The following PDGFD variants were observed in gnomAD, a reference collection of about 807,000 sequenced individuals.
PDGFD encodes the protein platelet derived growth factor D, also known as platelet-derived growth factor D.
A neutral mutation model predicts 44.7 loss-of-function variants in PDGFD; 30 were observed. The observed-to-expected ratio is 0.67, with a 90% CI of 0.50 to 0.91. The LOEUF (loss-of-function observed/expected upper bound fraction) is 0.91. Among genes scored for constraint, PDGFD ranks in the 40% least tolerant of loss-of-function variants. The pLI, the probability that PDGFD is intolerant of heterozygous loss-of-function variation, is 0.00. For synonymous variants in PDGFD, 173 were observed against 168.4 expected (o/e 1.03, Z -0.21); for missense variants, 445 against 457.8 (o/e 0.97, Z 0.25).
At chr11:104,028,880 A>G (rs1215955566) in intron 1 of PDGFD, among the ~76,000 whole-genome samples, 1 of 152,076 alleles carries the variant, frequency 6.6e-6, no homozygotes, top group African/African-American at 2.4e-5. Flanking sequence ...GGAAAAAAAA[A>G]TCAATGATAC....
intron 3 of PDGFD, among the ~76,000 whole-genome samples, chr11:103,985,142 A>ATATATTAATTTATTTAATATATT (rs1859342451): frequency 9.4e-6 from 1 of 105,830 alleles, no homozygotes; most frequent in Non-Finnish European, 2.0e-5. Context: ...TTTAATATAT[A>ATATATTAATTTATTTAATATATT]ATATATTAAT....
At chr11:104,104,579 G>T (rs976019214) in intron 1 of PDGFD, among the ~76,000 whole-genome samples, 2 of 152,048 alleles carry the variant, frequency 1.3e-5, no homozygotes, top group African/African-American at 4.8e-5. Context: ...AGAATAACAT[G>T]CTGTACAGGT....
intron 1 of PDGFD, among the ~76,000 whole-genome samples, chr11:104,123,940 T>C (rs558810461): frequency 1.3e-5 from 2 of 152,052 alleles, no homozygotes; most frequent in South Asian, 4.1e-4. Context: ...CACAAAGGTA[T>C]GAAACACAGA....
In PDGFD at chr11:103,943,515, C is replaced by G. The variant is rs758313185; in HGVS notation, c.709G>C (p.Glu237Gln). ...CGAGGGGTGTCCAGATACATATTCT[C>G]AAGATCTTCTTGCCATGACTCTGGA... Reference protein sequence around the residue: ...FNPESWQEDLENMYLDTPRYR... With the variant: ...FNPESWQEDLQNMYLDTPRYR... The change falls in exon 5 of 7, where the codon GAG becomes CAG. Residue 237 changes from glutamate to glutamine, a missense_variant. Transcript: ENST00000393158. 4.6e-5 allele frequency: 75 copies of G among 1,613,250 alleles called. No homozygotes were observed. Among genetic ancestry groups the G allele is most frequent in the Non-Finnish European group, 6.3e-5 (74 of 1,179,614 alleles).
At chr11:104,037,138 A>G (rs1350653293) in intron 1 of PDGFD, 1 of 1,613,784 alleles carries the variant, frequency 6.2e-7, no homozygotes, top group Non-Finnish European at 8.5e-7. Flanking sequence ...TGGGACGTCC[A>G]GCTCCCGTCC....
intron 1 of PDGFD, among the ~76,000 whole-genome samples, chr11:104,138,906 C>G (rs1862045836): frequency 6.6e-6 from 1 of 152,038 alleles, no homozygotes; most frequent in Non-Finnish European, 1.5e-5. Flanking sequence ...GGACTACAGG[C>G]ACAAGTCACC....
chr11:104,145,283 A>T (rs1269042205), intron 1 of PDGFD, among the ~76,000 whole-genome samples: 2 of 152,178 alleles, frequency 1.3e-5, no homozygotes, highest in African/African-American at 4.8e-5. Context: ...GTTGGTATAA[A>T]CCGAATGCTA....
At chr11:104,083,520 A>T (rs1239546203) in intron 1 of PDGFD, among the ~76,000 whole-genome samples, 1 of 152,210 alleles carries the variant, frequency 6.6e-6, no homozygotes, top group Admixed American at 6.6e-5. Flanking sequence ...ATTTCTTCAC[A>T]ACACAAAAGT....
intron 3 of PDGFD, 129 bp from the exon 4 acceptor site, chr11:103,947,853 G>A (rs1338845370): frequency 1.4e-6 from 1 of 707,846 alleles, no homozygotes; most frequent in Non-Finnish European, 2.6e-6. Flanking sequence ...CTATATTCCT[G>A]CTGAACAGGT....
chr11:103,999,387 GA>G (rs1250094121), intron 2 of PDGFD, among the ~76,000 whole-genome samples: 2 of 152,146 alleles, frequency 1.3e-5, no homozygotes, highest in Non-Finnish European at 2.9e-5. Flanking sequence ...GACATTCAAA[GA>G]ACAACAGTCC....
intron 1 of PDGFD, among the ~76,000 whole-genome samples, chr11:104,112,227 G>T (rs1163044754): frequency 6.7e-6 from 1 of 150,238 alleles, no homozygotes; most frequent in African/African-American, 2.5e-5. Flanking sequence ...TAGCCATTCT[G>T]ATTGGTGTGG....
chr11:104,047,621 A>G lies in PDGFD; in HGVS notation c.125-47366T>C, dbSNP rs1233917846. On this transcript the variant is annotated intron_variant, in intron 1 of 6. Transcript: ENST00000393158. ...TACATTATTTTTTAAAAAAATAAGGAAAAACTCCAAAGTAAGACTACTGAG... is the reference window on the plus strand; with the variant it reads ...TACATTATTTTTTAAAAAAATAAGGGAAAACTCCAAAGTAAGACTACTGAG... Among the ~76,000 whole-genome samples, 33 of 147,306 alleles carry G rather than the reference A, an allele frequency of 2.2e-4. 2 individuals carry two copies. The Admixed American group carries it at 2.3e-3, about 10-fold the overall frequency.
At chr11:104,089,669 G>C (rs1235703173) in intron 1 of PDGFD, among the ~76,000 whole-genome samples, 1 of 152,134 alleles carries the variant, frequency 6.6e-6, no homozygotes, top group Non-Finnish European at 1.5e-5. Flanking sequence ...AGTGAGTATT[G>C]CCAAGTGTCT....
intron 3 of PDGFD, among the ~76,000 whole-genome samples, chr11:103,952,052 G>C (rs1858767068): frequency 6.6e-6 from 1 of 152,098 alleles, no homozygotes; most frequent in Non-Finnish European, 1.5e-5. Context: ...CAAGCCAGTA[G>C]TTTACAGCCA....
chr11:104,015,859 T>C (rs968373873), intron 1 of PDGFD, among the ~76,000 whole-genome samples: 1 of 152,228 alleles, frequency 6.6e-6, no homozygotes, highest in Non-Finnish European at 1.5e-5. Context: ...AGTCCCTTCA[T>C]GCATATAAAG....
intron 6 of PDGFD, among the ~76,000 whole-genome samples, chr11:103,918,811 G>A (rs573753476): frequency 6.1e-4 from 93 of 152,248 alleles, no homozygotes; most frequent in Admixed American, 1.2e-3. Context: ...CAGGTACACA[G>A]CATTGAAAGA....
intron 3 of PDGFD, among the ~76,000 whole-genome samples, chr11:103,983,107 C>T (rs191893284): frequency 3.3e-5 from 5 of 151,764 alleles, no homozygotes; most frequent in African/African-American, 1.2e-4. Context: ...CCCCAAACAG[C>T]CAAGACAATC....
chr11:103,978,826 T>C (rs1859220718), intron 3 of PDGFD, among the ~76,000 whole-genome samples: 2 of 152,196 alleles, frequency 1.3e-5, no homozygotes, highest in South Asian at 4.1e-4. Context: ...ACATAAATCC[T>C]GTAAAACAGG....
chr11:104,067,151 T>A (rs361266), intron 1 of PDGFD, among the ~76,000 whole-genome samples: 1 of 151,956 alleles, frequency 6.6e-6, no homozygotes, highest in Non-Finnish European at 1.5e-5. Flanking sequence ...TCAGTTCCCA[T>A]GATTGTACAC....
Sources: allele counts gnomAD v4.1 joint callset (sites outside exome capture counted in the v4.1 genomes callset), GRCh38; gene constraint gnomAD v4.1.1; transcripts MANE v1.5; gene names NCBI Gene and HGNC (gene_info 2026-07-23, HGNC 2026-07-21).